LRRC4C: variants seen among roughly 807,000 people sequenced by gnomAD.
The protein encoded by LRRC4C is leucine rich repeat containing 4C.
LRRC4C carries 5 observed loss-of-function variants against 33.6 expected under a neutral mutation model. The observed-to-expected ratio is 0.15, with a 90% CI of 0.08 to 0.31. The LOEUF is 0.31. Ranked by LOEUF, LRRC4C falls within the 10% of genes least tolerant of loss-of-function variation. The pLI is 1.00. For missense variants in LRRC4C, 560 were observed against 796.7 expected, an observed-to-expected ratio of 0.70 and a Z score of 3.58; for synonymous variants, 329 against 302.0, an observed-to-expected ratio of 1.09 and a Z score of -0.93.
chr11:41,371,568 C>A (rs1217478294), intron 1 of LRRC4C, among the ~76,000 whole-genome samples: 1 of 152,200 alleles, frequency 6.6e-6, no homozygotes, highest in Non-Finnish European at 1.5e-5. Context: ...AGAAAGCATA[C>A]TCCCCATTCC....
intron 2 of LRRC4C, among the ~76,000 whole-genome samples, chr11:40,745,220 C>T (rs1299574021): frequency 3.3e-5 from 5 of 152,094 alleles, no homozygotes; most frequent in African/African-American, 4.8e-5. Flanking sequence ...ACACTTCCAT[C>T]GGGAAAATAC....
chr11:41,157,213 A>T (rs1278773091), intron 1 of LRRC4C, among the ~76,000 whole-genome samples: 1 of 152,110 alleles, frequency 6.6e-6, no homozygotes, highest in Non-Finnish European at 1.5e-5. Flanking sequence ...AGATGAGGGT[A>T]AATGTTCCAG....
chr11:41,085,707 G>C (rs1413952534), intron 1 of LRRC4C, among the ~76,000 whole-genome samples: 1 of 151,984 alleles, frequency 6.6e-6, no homozygotes, highest in Non-Finnish European at 1.5e-5. Flanking sequence ...TATCCTTACA[G>C]AAATCAATGG....
At chr11:41,052,283 C>T (rs1218012053) in intron 1 of LRRC4C, among the ~76,000 whole-genome samples, 1 of 152,070 alleles carries the variant, frequency 6.6e-6, no homozygotes, top group Non-Finnish European at 1.5e-5. Flanking sequence ...AGATACAAGT[C>T]CTTCACAGAA....
At chr11:40,427,507 C>T (rs1035026661) in intron 3 of LRRC4C, among the ~76,000 whole-genome samples, 1 of 150,640 alleles carries the variant, frequency 6.6e-6, no homozygotes, top group African/African-American at 2.4e-5. Context: ...AACTCTGTCT[C>T]AAAAAATAAA....
chr11:40,211,017 T>C (rs1863563614), intron 5 of LRRC4C, among the ~76,000 whole-genome samples: 1 of 152,140 alleles, frequency 6.6e-6, no homozygotes, highest in African/African-American at 2.4e-5. Flanking sequence ...TCTAAAGTCA[T>C]CTGCCTGCCT....
chr11:40,657,469 A>C (rs1443581326), intron 2 of LRRC4C, among the ~76,000 whole-genome samples: 1 of 150,814 alleles, frequency 6.6e-6, no homozygotes, highest in East Asian at 1.9e-4. Flanking sequence ...GAAACTGCTT[A>C]GGGCAAACCT....
intron 1 of LRRC4C, among the ~76,000 whole-genome samples, chr11:40,949,624 T>C (rs1423175271): frequency 6.6e-6 from 1 of 152,104 alleles, no homozygotes; most frequent in Non-Finnish European, 1.5e-5. Context: ...CTAAGCTTCA[T>C]AACTGAAGGA....
At chr11:40,987,130 G>A (rs993729511) in intron 1 of LRRC4C, among the ~76,000 whole-genome samples, 1 of 152,120 alleles carries the variant, frequency 6.6e-6, no homozygotes, top group Non-Finnish European at 1.5e-5. Context: ...AAGACATTCG[G>A]TATTCCTCCC....
At chr11:40,448,579 C>G (rs1021971609) in intron 3 of LRRC4C, among the ~76,000 whole-genome samples, 1 of 152,166 alleles carries the variant, frequency 6.6e-6, no homozygotes, top group African/African-American at 2.4e-5. Context: ...AGGACATGAA[C>G]TCATCCTTTT....
At chr11:40,748,566 A>T (rs547557761) in intron 2 of LRRC4C, among the ~76,000 whole-genome samples, 19 of 152,140 alleles carry the variant, frequency 1.2e-4, no homozygotes, top group Non-Finnish European at 1.9e-4. Context: ...TGATAAGATA[A>T]AAAGAAAGGA....
intron 1 of LRRC4C, among the ~76,000 whole-genome samples, chr11:41,081,302 G>A (rs1212660657): frequency 1.3e-5 from 2 of 152,122 alleles, no homozygotes; most frequent in Non-Finnish European, 2.9e-5. Context: ...GGACCCAATG[G>A]ACTTCTTCAT....
intron 3 of LRRC4C, among the ~76,000 whole-genome samples, chr11:40,530,021 C>A (rs567647626): frequency 5.3e-5 from 8 of 152,086 alleles, no homozygotes; most frequent in Non-Finnish European, 1.2e-4. Context: ...TTTGTTTAAA[C>A]CAAAGACACT....
chr11:41,142,680 A>G (rs1943560052), intron 1 of LRRC4C, among the ~76,000 whole-genome samples: 1 of 151,964 alleles, frequency 6.6e-6, no homozygotes, highest in African/African-American at 2.4e-5. Flanking sequence ...GTTAAACTCT[A>G]GATTACCTCT....
chr11:40,716,028 G>A (rs191580666), intron 2 of LRRC4C, among the ~76,000 whole-genome samples: 1 of 140,424 alleles, frequency 7.1e-6, no homozygotes, highest in East Asian at 2.1e-4. Flanking sequence ...GAGCACGACT[G>A]TGTCTCAAAA....
chr11:41,392,159 G>C (rs946689288), intron 1 of LRRC4C, among the ~76,000 whole-genome samples: 1 of 151,836 alleles, frequency 6.6e-6, no homozygotes, highest in South Asian at 2.1e-4. Context: ...TCATGATAAG[G>C]CACTTTCATC....
At chr11:40,790,045 A>C (rs1441845636) in intron 2 of LRRC4C, among the ~76,000 whole-genome samples, 2 of 152,244 alleles carry the variant, frequency 1.3e-5, no homozygotes, top group Non-Finnish European at 2.9e-5. Context: ...AGATTGGAAC[A>C]ATATTAGAAA....
chr11:40,330,986 T>C (rs991699633), intron 3 of LRRC4C, among the ~76,000 whole-genome samples: 1 of 152,160 alleles, frequency 6.6e-6, no homozygotes, highest in Non-Finnish European at 1.5e-5. Flanking sequence ...CCCCATACCC[T>C]ACCCAGACTC....
At chr11:41,199,683 C>T (rs1311584562) in intron 1 of LRRC4C, among the ~76,000 whole-genome samples, 3 of 152,078 alleles carry the variant, frequency 2.0e-5, no homozygotes, top group Non-Finnish European at 4.4e-5. Context: ...CTCCCACCTA[C>T]CTCCTCCATT....
Sources: gnomAD v4.1 joint callset for allele counts (sites outside exome capture counted in the v4.1 genomes callset) on GRCh38, gnomAD v4.1.1 for gene constraint, MANE v1.5 for transcripts, NCBI Gene and HGNC (gene_info 2026-07-23, HGNC 2026-07-21) for gene names.